RIMS2: variants seen among roughly 807,000 people sequenced by gnomAD.
RIMS2 encodes regulating synaptic membrane exocytosis 2.
Under a neutral mutation model 174.4 loss-of-function variants are expected in RIMS2, and 59 were observed. The observed-to-expected ratio is 0.34, with a 90% CI of 0.27 to 0.42. The LOEUF (loss-of-function observed/expected upper bound fraction) is 0.42, where lower values mean the gene tolerates loss of function less well. Among genes scored for constraint, RIMS2 ranks in the 10% least tolerant of loss-of-function variants. RIMS2 has a pLI of 1.00. For missense variants in RIMS2, 1,620 were observed against 1,666.3 expected (o/e 0.97, Z 0.48); for synonymous variants, 606 against 572.5 (o/e 1.06, Z -0.84).
intron 2 of RIMS2, among the ~76,000 whole-genome samples, chr8:103,733,158 A>G (rs1564441049): frequency 2.6e-5 from 4 of 152,034 alleles, no homozygotes; most frequent in Admixed American, 2.0e-4. Flanking sequence ...GATTCCTGCC[A>G]GGACTGGGTT....
At chr8:103,922,125 T>G (rs2077789716) in intron 10 of RIMS2, 1 of 176,332 alleles carries the variant, frequency 5.7e-6, no homozygotes, top group African/African-American at 2.4e-5. Flanking sequence ...AATAAAAATG[T>G]TGCACTATAT....
intron 1 of RIMS2, among the ~76,000 whole-genome samples, chr8:103,579,228 C>CTT (rs1414159905): frequency 1.3e-5 from 2 of 149,978 alleles, no homozygotes; most frequent in Admixed American, 6.6e-5. Context: ...GCAATACTCT[C>CTT]TCTCTCTCTC....
At chr8:104,068,515 C>T in intron 19 of RIMS2, 3 of 1,435,386 alleles carry the variant, frequency 2.1e-6, no homozygotes, top group Non-Finnish European at 2.9e-6. Flanking sequence ...TCGATAGGTA[C>T]TATGGATATA....
intron 14 of RIMS2, among the ~76,000 whole-genome samples, chr8:103,959,541 C>CT (rs1271012134): frequency 6.6e-6 from 1 of 151,806 alleles, no homozygotes; most frequent in Non-Finnish European, 1.5e-5. Context: ...GTAGCTGGGA[C>CT]TACAGGTGCA....
chr8:103,596,358 A>T (rs1310512598), intron 1 of RIMS2, among the ~76,000 whole-genome samples: 1 of 152,034 alleles, frequency 6.6e-6, no homozygotes. Context: ...GCAAATACTC[A>T]AATACTTTAT....
intron 1 of RIMS2, among the ~76,000 whole-genome samples, chr8:103,598,256 A>G (rs1321277236): frequency 6.6e-6 from 1 of 152,172 alleles, no homozygotes; most frequent in Non-Finnish European, 1.5e-5. Flanking sequence ...GCTTAGGTCA[A>G]CTTAATTTAG....
intron 1 of RIMS2, among the ~76,000 whole-genome samples, chr8:103,555,877 A>G (rs1478318207): frequency 2.0e-5 from 3 of 151,848 alleles, no homozygotes; most frequent in African/African-American, 7.3e-5. Flanking sequence ...AGGAAATCCT[A>G]TCATATGCAA....
At chr8:103,966,301 T>C (rs979487249) in intron 15 of RIMS2, among the ~76,000 whole-genome samples, 1 of 152,172 alleles carries the variant, frequency 6.6e-6, no homozygotes, top group African/African-American at 2.4e-5. Context: ...ATTCAATTTA[T>C]TTAATAGATG....
At chr8:103,697,598 G>A (rs1394460087) in intron 2 of RIMS2, among the ~76,000 whole-genome samples, 1 of 151,702 alleles carries the variant, frequency 6.6e-6, no homozygotes, top group Admixed American at 6.6e-5. Context: ...CATGGTGGCG[G>A]GCCCCTATAG....
chr8:103,661,504 GT>G (rs1033284603), intron 1 of RIMS2, among the ~76,000 whole-genome samples: 1 of 151,584 alleles, frequency 6.6e-6, no homozygotes, highest in African/African-American at 2.4e-5. Flanking sequence ...TATAAATGCT[GT>G]TTTTTGTTTT....
At chr8:104,208,589 TGAA>T (rs2099091642) in intron 19 of RIMS2, among the ~76,000 whole-genome samples, 1 of 143,160 alleles carries the variant, frequency 7.0e-6, no homozygotes, top group African/African-American at 2.6e-5. Context: ...AAAAAAAAAA[TGAA>T]GAATACTTTC....
At chr8:104,009,033 G>A (rs2154553258) in intron 17 of RIMS2, among the ~76,000 whole-genome samples, 2 of 152,032 alleles carry the variant, frequency 1.3e-5, no homozygotes, top group East Asian at 3.9e-4. Context: ...CTAAAATAAT[G>A]AGCTAGAATT....
intron 19 of RIMS2, among the ~76,000 whole-genome samples, chr8:104,129,875 C>A (rs949976495): frequency 6.6e-6 from 1 of 152,096 alleles, no homozygotes; most frequent in African/African-American, 2.4e-5. Flanking sequence ...AGTAGATGTA[C>A]AGATAATATG....
At chr8:103,814,720 A>T (rs932106445) in intron 3 of RIMS2, among the ~76,000 whole-genome samples, 1 of 152,060 alleles carries the variant, frequency 6.6e-6, no homozygotes, top group Non-Finnish European at 1.5e-5. Flanking sequence ...CTCTACAAGA[A>T]AATCAAAAAT....
chr8:104,234,595 A>G (rs1200410705), intron 19 of RIMS2, among the ~76,000 whole-genome samples: 2 of 152,214 alleles, frequency 1.3e-5, no homozygotes, highest in East Asian at 3.8e-4. Context: ...AAATGCCAAA[A>G]TAACAATGAC....
At chr8:103,857,918 A>G (rs1295220406) in intron 3 of RIMS2, among the ~76,000 whole-genome samples, 1 of 152,188 alleles carries the variant, frequency 6.6e-6, no homozygotes, top group Non-Finnish European at 1.5e-5. Context: ...GTTGTCAGCT[A>G]GTGCAGCTTC....
intron 8 of RIMS2, among the ~76,000 whole-genome samples, chr8:103,917,422 C>T (rs748268224): frequency 2.9e-4 from 44 of 152,156 alleles, no homozygotes; most frequent in Admixed American, 6.5e-4. Context: ...AAATTGTATT[C>T]ATTTTTTATT....
intron 19 of RIMS2, among the ~76,000 whole-genome samples, chr8:104,150,626 T>A (rs1468413586): frequency 6.6e-5 from 10 of 152,140 alleles, no homozygotes; most frequent in Admixed American, 5.9e-4. Context: ...ATAGAAACCG[T>A]AAGAAACAAG....
chr8:103,760,988 C>G (rs1162187245), intron 2 of RIMS2, among the ~76,000 whole-genome samples: 3 of 152,150 alleles, frequency 2.0e-5, no homozygotes, highest in African/African-American at 7.2e-5. Context: ...CTAAGTTTAT[C>G]TACTAAACTA....
Sources: allele counts gnomAD v4.1 joint callset (sites outside exome capture counted in the v4.1 genomes callset), GRCh38; gene constraint gnomAD v4.1.1; transcripts MANE v1.5; gene names NCBI Gene and HGNC (gene_info 2026-07-23, HGNC 2026-07-21).